HSPD1: variants seen among roughly 807,000 people sequenced by gnomAD.
HSPD1 encodes the protein 60 kDa heat shock protein, mitochondrial.
In HSPD1, 3 loss-of-function variants were observed where a neutral mutation model predicts 53.0. The observed-to-expected ratio is 0.06, with a 90% CI of 0.03 to 0.15. The LOEUF (loss-of-function observed/expected upper bound fraction) is 0.15. Among genes scored for constraint, HSPD1 ranks in the 10% least tolerant of loss-of-function variants. The pLI is 1.00. For missense variants in HSPD1, 431 were observed against 694.1 expected, an observed-to-expected ratio of 0.62 and a Z score of 4.26; for synonymous variants, 200 against 228.0, an observed-to-expected ratio of 0.88 and a Z score of 1.10.
chr2:197,496,987 A>G, intron 3 of HSPD1, 153 bp downstream of exon 3: 1 of 765,762 alleles, frequency 1.3e-6, no homozygotes, highest in Non-Finnish European at 2.3e-6. Flanking sequence ...CAAGCTTGCT[A>G]AAGGAAAACC....
intron 8 of HSPD1, among the ~76,000 whole-genome samples, chr2:197,489,959 C>CA (rs2086071219): frequency 6.6e-6 from 1 of 150,450 alleles, no homozygotes; most frequent in South Asian, 2.1e-4. Flanking sequence ...CCAAAAAAAA[C>CA]AAAAAAAAGG....
intron 2 of HSPD1, 50 bp downstream of exon 2, chr2:197,498,625 A>G (rs1237947886): frequency 3.3e-6 from 5 of 1,504,330 alleles, no homozygotes; most frequent in Non-Finnish European, 4.6e-6. Flanking sequence ...ATTTGTGAGT[A>G]AAATGCTATT....
intron 5 of HSPD1, 78 bp downstream of exon 5, chr2:197,494,577 TCA>T (rs979988086): frequency 1.1e-5 from 11 of 989,932 alleles, no homozygotes; most frequent in Non-Finnish European, 3.2e-6. Context: ...TTTGAAAAAT[TCA>T]GTTTTGATCA....
In HSPD1 at chr2:197,490,317, TAA is replaced by T. The variant is rs747331903; in HGVS notation, c.870-23_870-22del. On this transcript the variant is annotated intron_variant, in intron 7 of 11. Coordinates refer to ENST00000388968, the MANE Select transcript of HSPD1 (RefSeq NM_002156.5). Reference sequence around the variant, plus strand: ...TTAGCCTGTTAAGAATAGTTGATAGTAAGATTTAAATGAAATAAAAATGCCTA... The same window carrying T: ...TTAGCCTGTTAAGAATAGTTGATAGTGATTTAAATGAAATAAAAATGCCTA... The T allele has an allele frequency of 3.2e-6, 5 of 1,566,140 alleles. No homozygotes were observed. In the African/African-American group the frequency reaches 6.8e-5, roughly 21 times the overall value.
chr2:197,490,324 T>G (rs773060354), intron 7 of HSPD1, 28 bp from the exon 8 acceptor site: 1 of 1,528,922 alleles, frequency 6.5e-7, no homozygotes, highest in Non-Finnish European at 9.1e-7. Context: ...TAGTAAGATT[T>G]AAATGAAATA....
chr2:197,488,553 C>T lies in HSPD1; in HGVS notation c.1216-62G>A, dbSNP rs1017214864. The T allele has an allele frequency of 2.1e-6, 3 of 1,457,866 alleles. No individual in the cohort carries two copies. In the African/African-American group the frequency reaches 4.2e-5, roughly 20 times the overall value. The allele number at this position is 1,457,866 out of a possible 1,614,324, so 90.3% of individuals were successfully genotyped here. ...TCATTCAAGATGCTAATTGCCAAGT[C>T]ATTTAAAAGCAGTTTACTTAAAAAG... On this transcript the variant is annotated intron_variant, in intron 9 of 11. Transcript: ENST00000388968.
upstream of HSPD1, chr2:197,499,895 C>G (rs906801199): frequency 6.5e-6 from 1 of 153,820 alleles, no homozygotes; most frequent in East Asian, 1.9e-4. Context: ...TCCGCCTCTA[C>G]TCCCGCCCCG....
chr2:197,500,135 G>A (rs961299999), upstream of HSPD1: 2 of 493,118 alleles, frequency 4.1e-6, no homozygotes, highest in Non-Finnish European at 7.3e-6. Flanking sequence ...ATTTCCGGGA[G>A]GGGACGAAGG....
At chr2:197,491,016 C>T (rs1449515712) in intron 7 of HSPD1, among the ~76,000 whole-genome samples, 2 of 152,074 alleles carry the variant, frequency 1.3e-5, no homozygotes, top group African/African-American at 2.4e-5. Flanking sequence ...GAAACAGAAG[C>T]AACGTTCAAA....
At chr2:197,488,851 A>AAG (rs2086057621) in intron 9 of HSPD1, 151 bp downstream of exon 9, 3 of 924,598 alleles carry the variant, frequency 3.2e-6, no homozygotes, top group Non-Finnish European at 5.3e-6. Flanking sequence ...CTGGGTGACG[A>AAG]AGAGCTCAAA....
intron 10 of HSPD1, 56 bp from the exon 11 acceptor site, chr2:197,488,092 A>G: frequency 3.1e-6 from 4 of 1,275,714 alleles, no homozygotes; most frequent in East Asian, 2.5e-5. Flanking sequence ...ATTGTAACAC[A>G]TTTATAAGTT....
chr2:197,499,032 TAA>T, intron 1 of HSPD1, 182 bp from the exon 2 acceptor site: 1 of 666,836 alleles, frequency 1.5e-6, no homozygotes, highest in Non-Finnish European at 2.7e-6. Context: ...TAGCGCAAGC[TAA>T]AGAGGCCGCC....
At chr2:197,491,820 T>G (rs2086096270) in intron 7 of HSPD1, among the ~76,000 whole-genome samples, 1 of 152,226 alleles carries the variant, frequency 6.6e-6, no homozygotes, top group Non-Finnish European at 1.5e-5. Flanking sequence ...TCAGACTATT[T>G]AGTAAACATT....
chr2:197,496,379 A>G (rs2086157082), intron 3 of HSPD1, among the ~76,000 whole-genome samples: 1 of 152,222 alleles, frequency 6.6e-6, no homozygotes, highest in South Asian at 2.1e-4. Flanking sequence ...ACACTGAAAT[A>G]GATGAGGTAA....
intron 1 of HSPD1, among the ~76,000 whole-genome samples, 177 bp downstream of exon 1, chr2:197,499,605 C>A (rs759529845): frequency 2.0e-5 from 3 of 152,174 alleles, no homozygotes; most frequent in Non-Finnish European, 4.4e-5. Flanking sequence ...CCGCGTCGCA[C>A]GTGATGGAAC....
Position 197,497,388 on chromosome 2 carries a change from C to T in HSPD1, c.179G>A (p.Arg60Lys). The T allele has an allele frequency of 6.2e-7, 1 of 1,613,654 alleles. No homozygotes were observed. Among genetic ancestry groups the T allele is most frequent in the South Asian group, 1.1e-5 (1 of 91,064 alleles). The stretch of plus-strand genomic sequence containing the variant: ...CCAACTCTGCTCAATAATCACTGTT[C>T]TTCCCTAGAAGAAAAAAATGTAACA... ...AVAVTMGPKGRTVIIEQSWGS... is the reference protein window; with the variant it reads ...AVAVTMGPKGKTVIIEQSWGS... Residue 60 changes from arginine to lysine, a missense_variant, in exon 3 of 12, where the codon AGA becomes AAA. Transcript: ENST00000388968.
rs1300062730 is a variant in HSPD1, at chr2:197,489,199, G to A, written c.1018C>T (p.His340Tyr). 1 of 1,614,072 alleles carries A rather than the reference G, an allele frequency of 6.2e-7. No homozygotes were observed. ...LTLNLEDVQP[H>Y]DLGKVGEVIV... ...ACCTCTCCAACTTTTCCTAAGTCAT[G>A]AGGCTGAACGTCTTCAAGATTCAGG... Residue 340 changes from histidine to tyrosine, a missense_variant, in exon 9 of 12, where the codon CAT (histidine) becomes TAT (tyrosine). His to Tyr is a moderately conservative substitution (Grantham distance 83). This residue lies in a region of HSPD1 where 386 missense variants were observed against 657.6 expected (regional missense o/e 0.59). Transcript: ENST00000388968.
chr2:197,499,864 A>T (rs1404951658), upstream of HSPD1: 1 of 152,752 alleles, frequency 6.5e-6, no homozygotes, highest in Non-Finnish European at 1.5e-5. Context: ...CGCACACCGC[A>T]ATGAGCCCGT....
At chr2:197,492,697 CAAAAAT>C (rs754028821) in intron 7 of HSPD1, among the ~76,000 whole-genome samples, 192 of 149,632 alleles carry the variant, frequency 1.3e-3, no homozygotes, top group Non-Finnish European at 2.2e-3. Flanking sequence ...ACTCTGTCTC[CAAAAAT>C]AAAAATAAAA....
Sources: gnomAD v4.1 joint callset for allele counts (sites outside exome capture counted in the v4.1 genomes callset) on GRCh38, gnomAD v4.1.1 for gene constraint, gnomAD v4.1.1 regional missense constraint, MANE v1.5 for transcripts, NCBI Gene and HGNC (gene_info 2026-07-23, HGNC 2026-07-21) for gene names.